Variants in GABPB1 observed in about 807,000 individuals in gnomAD.
The protein encoded by GABPB1 is GA binding protein transcription factor subunit beta 1.
GABPB1 carries 15 observed loss-of-function variants against 45.9 expected under a neutral mutation model. The ratio of observed to expected loss-of-function variants is 0.33; its 90% CI spans 0.22 to 0.50. The LOEUF (loss-of-function observed/expected upper bound fraction) is 0.50, where lower values mean the gene tolerates loss of function less well. Ranked by LOEUF, GABPB1 falls within the 20% of genes least tolerant of loss-of-function variation. The pLI is 0.98. For synonymous variants in GABPB1, 143 were observed against 154.4 expected (o/e 0.93, Z 0.55); for missense variants, 252 against 457.5 (o/e 0.55, Z 4.10).
chr15:50,281,453 T>G (rs574952047), intron 8 of GABPB1, among the ~76,000 whole-genome samples: 1 of 152,296 alleles, frequency 6.6e-6, no homozygotes, highest in East Asian at 1.9e-4. Flanking sequence ...CCTCGTGATC[T>G]GCCCGCCTTG....
At chr15:50,343,269 AT>A (rs2048448391) in intron 1 of GABPB1, among the ~76,000 whole-genome samples, 1 of 151,816 alleles carries the variant, frequency 6.6e-6, no homozygotes, top group African/African-American at 2.4e-5. Flanking sequence ...TCTCCCCATC[AT>A]CTCTTCTCAG....
chr15:50,335,794 G>A (rs558345075), intron 1 of GABPB1, among the ~76,000 whole-genome samples: 47 of 151,066 alleles, frequency 3.1e-4, no homozygotes, highest in African/African-American at 1.1e-3. Flanking sequence ...TACTCAGAAG[G>A]CTGAGGCAGG....
chr15:50,313,695 C>T (rs1282422187), intron 1 of GABPB1, among the ~76,000 whole-genome samples: 2 of 151,818 alleles, frequency 1.3e-5, no homozygotes, highest in Non-Finnish European at 2.9e-5. Flanking sequence ...AAAATTTATG[C>T]CACATTATGA....
chr15:50,340,491 A>G (rs1255822641), intron 1 of GABPB1, among the ~76,000 whole-genome samples: 1 of 149,370 alleles, frequency 6.7e-6, no homozygotes, highest in East Asian at 2.0e-4. Context: ...CACAACCCCA[A>G]CAAGTTATTA....
chr15:50,317,253 G>C (rs2047366711), intron 1 of GABPB1, among the ~76,000 whole-genome samples: 1 of 151,472 alleles, frequency 6.6e-6, no homozygotes, highest in Non-Finnish European at 1.5e-5. Context: ...AAAATTAAAA[G>C]AATTAGCTGG....
At position 50,332,176 on chromosome 15, in the gene GABPB1, CCT is replaced by C. The variant is rs559003458; in HGVS notation, c.1-22380_1-22379del. ...AGGTATGAGCCACCGTGCCCAGCCCCCTGTCCAGTTTCTTTTCTCTCCTTTGT... is the reference window on the plus strand; with the variant it reads ...AGGTATGAGCCACCGTGCCCAGCCCCGTCCAGTTTCTTTTCTCTCCTTTGT... On this transcript the variant is annotated intron_variant, in intron 1 of 8. Transcript: ENST00000380877. Among the ~76,000 whole-genome samples the C allele has an allele frequency of 3.3e-4, 50 of 151,968 alleles. No homozygotes were observed. In the South Asian group the frequency reaches 9.0e-3, roughly 27 times the overall value.
intron 2 of GABPB1, among the ~76,000 whole-genome samples, chr15:50,304,513 C>T (rs904347600): frequency 2.6e-5 from 4 of 152,228 alleles, no homozygotes; most frequent in East Asian, 1.9e-4. Context: ...GAATTCAAGA[C>T]CACCCTGGCC....
chr15:50,309,842 TAC>T (rs1567509641), intron 1 of GABPB1, 44 bp from the exon 2 acceptor site: 1 of 1,123,372 alleles, frequency 8.9e-7, no homozygotes, highest in South Asian at 1.3e-5. Context: ...TCTCCATTTA[TAC>T]ACTATGACAT....
intron 1 of GABPB1, among the ~76,000 whole-genome samples, chr15:50,330,331 C>T (rs2047906160): frequency 6.6e-6 from 1 of 152,088 alleles, no homozygotes; most frequent in African/African-American, 2.4e-5. Flanking sequence ...TGTTTTACAG[C>T]TGCATAGTAC....
intron 8 of GABPB1, among the ~76,000 whole-genome samples, chr15:50,281,014 C>T (rs189579356): frequency 6.6e-6 from 1 of 152,298 alleles, no homozygotes; most frequent in Admixed American, 6.5e-5. Context: ...ATTTTCCATA[C>T]TGCATATTTT....
intron 1 of GABPB1, among the ~76,000 whole-genome samples, chr15:50,318,843 T>C (rs1273008800): frequency 6.6e-6 from 1 of 152,188 alleles, no homozygotes; most frequent in Non-Finnish European, 1.5e-5. Context: ...AACTATACCA[T>C]AAAGGTATAC....
rs1285570529 is a variant in GABPB1, at chr15:50,337,130, A to ATATATATAT, written c.-1+17854_-1+17855insATATATATA. On this transcript the variant is annotated intron_variant, in intron 1 of 8. Coordinates refer to ENST00000380877, the MANE Select transcript of GABPB1 (RefSeq NM_016654.5). Reference sequence around the variant, plus strand: ...ATATATATATATATATATATATATAATATGAAGAGGTCAGAGCCCATCCAA... The same window carrying ATATATATAT: ...ATATATATATATATATATATATATAATATATATATTATGAAGAGGTCAGAGCCCATCCAA... 3.1e-3 allele frequency among the ~76,000 whole-genome samples: 12 copies of ATATATATAT among 3,864 alleles called. 1 individual carries two copies. The highest frequency in any genetic ancestry group is 4.5e-3 in the Non-Finnish European group (11 of 2,430). 2.5% of individuals were successfully genotyped at this position (3,864 alleles called of 152,430 possible). A position where few individuals can be genotyped will look rare whatever the true frequency, so the allele number is the denominator to read the frequency against.
intron 6 of GABPB1, among the ~76,000 whole-genome samples, chr15:50,296,933 CAG>C (rs2046536713): frequency 9.0e-6 from 1 of 111,026 alleles, no homozygotes; most frequent in Non-Finnish European, 1.7e-5. Flanking sequence ...TTTTTTGAGA[CAG>C]AGTCTCCCTG....
chr15:50,286,210 A>C, intron 7 of GABPB1, 27 bp from the exon 8 acceptor site: 1 of 1,422,214 alleles, frequency 7.0e-7, no homozygotes, highest in Non-Finnish European at 9.5e-7. Flanking sequence ...ATTATGTATT[A>C]CTTCATTTTC....
intron 1 of GABPB1, among the ~76,000 whole-genome samples, chr15:50,317,298 C>A (rs2047368091): frequency 6.7e-6 from 1 of 150,248 alleles, no homozygotes; most frequent in Non-Finnish European, 1.5e-5. Context: ...CCAGCTACTC[C>A]GGAGGCTGAG....
intron 1 of GABPB1, among the ~76,000 whole-genome samples, chr15:50,331,553 T>C (rs1395527588): frequency 1.3e-5 from 2 of 152,186 alleles, no homozygotes; most frequent in Non-Finnish European, 2.9e-5. Context: ...ACATAGAACC[T>C]TATAGGCACT....
At chr15:50,314,301 A>T (rs951647035) in intron 1 of GABPB1, 6 of 152,188 alleles carry the variant, frequency 3.9e-5, no homozygotes, top group African/African-American at 1.4e-4. Context: ...CTCCTGCCTC[A>T]GCCTCCCGAG....
intron 1 of GABPB1, among the ~76,000 whole-genome samples, chr15:50,310,651 A>T (rs192708950): frequency 2.0e-5 from 3 of 152,308 alleles, no homozygotes; most frequent in Non-Finnish European, 4.4e-5. Context: ...GAAAATACTA[A>T]AAACAGTAAT....
Position 50,302,714 on chromosome 15 carries a change from C to A in GABPB1, c.471+215G>T, listed in dbSNP as rs529391520. ...AAACTTAAAAAACAGAAAGTAATCACCTTATCTAATGTTAATGAAGAGACT... is the reference window on the plus strand; with the variant it reads ...AAACTTAAAAAACAGAAAGTAATCAACTTATCTAATGTTAATGAAGAGACT... On this transcript the variant is annotated intron_variant, in intron 4 of 8. Transcript: ENST00000380877. Among the ~76,000 whole-genome samples, 87 of 146,060 alleles carry A rather than the reference C, an allele frequency of 6.0e-4. 1 individual carries two copies. Among genetic ancestry groups the A allele is most frequent in the African/African-American group, 2.1e-3 (85 of 40,054 alleles).
Sources: gnomAD v4.1 joint callset for allele counts (sites outside exome capture counted in the v4.1 genomes callset) on GRCh38, gnomAD v4.1.1 for gene constraint, MANE v1.5 for transcripts, NCBI Gene and HGNC (gene_info 2026-07-23, HGNC 2026-07-21) for gene names.